The following KIZ variants were observed in gnomAD, a reference collection of about 807,000 sequenced individuals.
KIZ encodes kizuna centrosomal protein, also known as centrosomal protein kizuna.
KIZ carries 68 observed loss-of-function variants against 79.6 expected under a neutral mutation model. The observed-to-expected ratio is 0.85, with a 90% confidence interval of 0.70 to 1.05. The LOEUF (loss-of-function observed/expected upper bound fraction) is 1.05, where lower values mean the gene tolerates loss of function less well. Ranked by LOEUF, KIZ falls within the 50% of genes least tolerant of loss-of-function variation. The probability of loss-of-function intolerance (pLI) is 0.00; values close to 1 mark genes in which losing one functional copy is unlikely to be tolerated. For missense variants in KIZ, 797 were observed against 800.4 expected (o/e 1.00, Z 0.05); for synonymous variants, 280 against 281.8 (o/e 0.99, Z 0.06).
intron 6 of KIZ, among the ~76,000 whole-genome samples, chr20:21,164,328 A>G (rs1015334943): frequency 2.0e-5 from 3 of 152,252 alleles, no homozygotes; most frequent in Non-Finnish European, 4.4e-5. Flanking sequence ...TTAAGAGCAT[A>G]TCCAAGTACA....
intron 6 of KIZ, chr20:21,197,851 T>C (rs2035410497): frequency 1.3e-5 from 2 of 152,140 alleles, no homozygotes; most frequent in South Asian, 4.1e-4. Context: ...GGCTCTGTAA[T>C]CACAATGGCA....
intron 9 of KIZ, among the ~76,000 whole-genome samples, chr20:21,226,580 G>A (rs2036662093): frequency 6.6e-6 from 1 of 152,144 alleles, no homozygotes. Context: ...ATCCACAGTT[G>A]GGCGGCAGCA....
rs1308177114 is a variant in KIZ at position 21,205,552 on chromosome 20, T to A, written c.1414T>A (p.Leu472Met). 3.2e-6 allele frequency: 5 copies of A among 1,556,754 alleles called. No individual in the cohort carries two copies. Among genetic ancestry groups the A allele is most frequent in the Non-Finnish European group, 4.4e-6 (5 of 1,140,478 alleles). The change falls in exon 7 of 13, where the codon TTG becomes ATG. Residue 472 changes from leucine to methionine, a missense_variant. Physicochemically the swap from Leu to Met is conservative, Grantham distance 15. Coordinates refer to ENST00000619189, the MANE Select transcript of KIZ (RefSeq NM_018474.6). ...RAQVGQHVAT[L>M]KEHDNSVKEE... is the part of the protein sequence containing the mutation. ...ACAGGTGGGTCAGCATGTTGCCACC[T>A]TGAAAGAACATGATAATTCTGTCAA...
intron 4 of KIZ, chr20:21,158,436 A>G (rs1344247727): frequency 6.6e-6 from 1 of 152,210 alleles, no homozygotes; most frequent in Non-Finnish European, 1.5e-5. Flanking sequence ...ACACTCAGGG[A>G]TAATCACTGC....
At chr20:21,184,124 T>C (rs959256812) in intron 6 of KIZ, among the ~76,000 whole-genome samples, 4 of 151,858 alleles carry the variant, frequency 2.6e-5, no homozygotes, top group African/African-American at 9.7e-5. Flanking sequence ...CCCAACACTT[T>C]CCTTCTCTGC....
chr20:21,205,468 A>C, intron 6 of KIZ, 23 bp from the exon 7 acceptor site: 1 of 955,352 alleles, frequency 1.0e-6, no homozygotes, highest in Non-Finnish European at 1.6e-6. Context: ...ATCTATAGTG[A>C]GTGTCCTGTT....
chr20:21,138,341 C>T (rs2032316303), intron 3 of KIZ, among the ~76,000 whole-genome samples: 1 of 152,072 alleles, frequency 6.6e-6, no homozygotes, highest in Non-Finnish European at 1.5e-5. Context: ...TGCACAGCAT[C>T]CCCTGTATTT....
chr20:21,156,063 G>A (rs1004119753), intron 4 of KIZ, among the ~76,000 whole-genome samples: 3 of 152,076 alleles, frequency 2.0e-5, no homozygotes, highest in African/African-American at 7.2e-5. Flanking sequence ...AGTACTGGGG[G>A]GTTATAATTT....
intron 1 of KIZ, among the ~76,000 whole-genome samples, chr20:21,129,796 T>C (rs1224430500): frequency 6.6e-6 from 1 of 152,114 alleles, no homozygotes; most frequent in Non-Finnish European, 1.5e-5. Flanking sequence ...TACAAAAAAG[T>C]TGCGAATATA....
rs937973936 is a variant in KIZ at position 21,156,662 on chromosome 20, A to G, written c.406-5209A>G. On this transcript the variant is annotated intron_variant, in intron 4 of 12. Transcript: ENST00000619189. ...TGGAATAGAAAACAAGATAATATCA[A>G]TGTTAAATTTTCTGATTCTGATCAT... Among the ~76,000 whole-genome samples, 4 of 152,232 alleles carry G rather than the reference A, an allele frequency of 2.6e-5. No individual in the cohort carries two copies. The South Asian group carries it at 6.2e-4, about 24-fold the overall frequency.
intron 11 of KIZ, among the ~76,000 whole-genome samples, chr20:21,237,609 T>C (rs2037063317): frequency 6.6e-6 from 1 of 152,166 alleles, no homozygotes; most frequent in Non-Finnish European, 1.5e-5. Context: ...CACTATTTCA[T>C]GTCCCTGGAT....
At chr20:21,166,406 G>A in intron 6 of KIZ, 1 of 1,597,232 alleles carries the variant, frequency 6.3e-7, no homozygotes, top group East Asian at 2.2e-5. Flanking sequence ...TGCCTGTGAG[G>A]TTCACAACAA....
chr20:21,237,424 A>G (rs2037054256), intron 11 of KIZ, among the ~76,000 whole-genome samples: 2 of 152,064 alleles, frequency 1.3e-5, no homozygotes, highest in African/African-American at 4.8e-5. Flanking sequence ...TGGGCCAGGA[A>G]TGAGTATCTG....
At chr20:21,163,831 G>A (rs1417476629) in intron 6 of KIZ, among the ~76,000 whole-genome samples, 1 of 152,162 alleles carries the variant, frequency 6.6e-6, no homozygotes, top group Admixed American at 6.5e-5. Context: ...AGAAAACTTT[G>A]TAGAAAGTTC....
chr20:21,138,433 G>A (rs1398708463), intron 3 of KIZ, among the ~76,000 whole-genome samples: 1 of 152,198 alleles, frequency 6.6e-6, no homozygotes, highest in Non-Finnish European at 1.5e-5. Flanking sequence ...TATCTATGCT[G>A]ATGCTATCTA....
chr20:21,148,343 A>G (rs2032953515), intron 4 of KIZ, among the ~76,000 whole-genome samples: 1 of 152,220 alleles, frequency 6.6e-6, no homozygotes, highest in Admixed American at 6.5e-5. Context: ...TTTAAATATA[A>G]AAACTCTGGC....
chr20:21,190,101 C>A lies in KIZ; in HGVS notation c.1353-15390C>A, dbSNP rs562261524. ...GTGGCCTCACATACAGCTGTTCCAG[C>A]CATCGGGTGTCAGGCTTGAGATAGT... On this transcript the variant is annotated intron_variant, in intron 6 of 12. Coordinates refer to ENST00000619189, the MANE Select transcript of KIZ (RefSeq NM_018474.6). 1.6e-4 allele frequency among the ~76,000 whole-genome samples: 25 copies of A among 152,330 alleles called. No homozygotes were observed. In the South Asian group the frequency reaches 5.2e-3, roughly 32 times the overall value.
intron 11 of KIZ, among the ~76,000 whole-genome samples, chr20:21,238,732 G>A (rs1364100307): frequency 6.6e-6 from 1 of 152,132 alleles, no homozygotes; most frequent in Non-Finnish European, 1.5e-5. Flanking sequence ...TCTCCTCACC[G>A]GAGCGTGGGC....
chr20:21,142,513 A>G (rs957565854), intron 3 of KIZ, among the ~76,000 whole-genome samples: 1 of 152,076 alleles, frequency 6.6e-6, no homozygotes, highest in Non-Finnish European at 1.5e-5. Flanking sequence ...ACTCTTTATT[A>G]TACCTTCCCA....
Sources: gnomAD v4.1 joint callset for allele counts (sites outside exome capture counted in the v4.1 genomes callset) on GRCh38, gnomAD v4.1.1 for gene constraint, MANE v1.5 for transcripts, NCBI Gene and HGNC (gene_info 2026-07-23, HGNC 2026-07-21) for gene names.